The following SERPINA9 variants were observed in gnomAD, a reference collection of about 807,000 sequenced individuals.
SERPINA9 encodes serpin family A member 9.
SERPINA9 carries 32 observed loss-of-function variants against 24.5 expected under a neutral mutation model. The observed-to-expected ratio is 1.30, with a 90% CI of 0.98 to 1.75. SERPINA9 has a LOEUF of 1.75. Among genes scored for constraint, SERPINA9 ranks in the 40% most tolerant of loss-of-function variants. The pLI is 0.00. For synonymous variants in SERPINA9, 233 were observed against 197.7 expected, an observed-to-expected ratio of 1.18 and a Z score of -1.50; for missense variants, 594 against 497.1, an observed-to-expected ratio of 1.19 and a Z score of -1.85.
Position 94,469,798 on chromosome 14 carries a change from A to G in SERPINA9, c.43T>C (p.Cys15Arg), listed in dbSNP as rs1330400042. Residue 15 changes from cysteine to arginine, a missense_variant, in exon 2 of 5, where the codon TGT becomes CGT. Cys to Arg is a radical substitution (Grantham distance 180). Coordinates refer to ENST00000674397, the MANE Select transcript of SERPINA9 (RefSeq NM_175739.4). ...LYGVLFAVGL[C>R]APIYCVSPAN... The stretch of plus-strand genomic sequence containing the variant: ...GGGGACACACAGTAGATTGGAGCAC[A>G]GAGGCCAACAGCAAAGAGTACTCCA... 2 of 1,525,698 alleles carry G rather than the reference A, an allele frequency of 1.3e-6. No homozygotes were observed. The highest frequency in any genetic ancestry group is 1.8e-6 in the Non-Finnish European group (2 of 1,137,724). The allele number at this position is 1,525,698 out of a possible 1,614,324, so 94.5% of individuals were successfully genotyped here.
In SERPINA9 at chr14:94,463,394, CTA is replaced by C. The variant is rs778330235; in HGVS notation, c.1051-100_1051-99del. Reference sequence around the variant, plus strand: ...TGCTTTTGCCCTGGAATGGTGATGTCTACCTTGAAAGGATTCAAGGTTCAAAT... The same window carrying C: ...TGCTTTTGCCCTGGAATGGTGATGTCCCTTGAAAGGATTCAAGGTTCAAAT... On this transcript the variant is annotated intron_variant, in intron 4 of 4. Transcript: ENST00000674397. The C allele has an allele frequency of 1.2e-3, 1,230 of 1,053,838 alleles. 21 individuals are homozygous for C. Among genetic ancestry groups the C allele is most frequent in the Middle Eastern group, 1.2e-3 (4 of 3,282 alleles). The allele number at this position is 1,053,838 out of a possible 1,614,324, so 65.3% of individuals were successfully genotyped here.
Position 94,462,748 on chromosome 14 carries a change from T to C in SERPINA9, c.*345A>G. On this transcript the variant is annotated 3_prime_UTR_variant, in exon 5 of 5. Coordinates refer to ENST00000674397, the MANE Select transcript of SERPINA9 (RefSeq NM_175739.4). ...GACAGATGAATTCATATTTTAGTTT[T>C]ATTGAATGTGTTATTGTAATTCTGC... The C allele has an allele frequency of 3.8e-6, 1 of 260,742 alleles. No individual in the cohort carries two copies. Among genetic ancestry groups the C allele is most frequent in the Non-Finnish European group, 7.4e-6 (1 of 134,906 alleles). 16.2% of individuals were successfully genotyped at this position (260,742 alleles called of 1,614,324 possible).
chr14:94,464,355 G>A, intron 4 of SERPINA9: 1 of 336,664 alleles, frequency 3.0e-6, no homozygotes, highest in Non-Finnish European at 5.4e-6. Context: ...CATCTACAGG[G>A]TGCAGATGAC....
chr14:94,475,913 T>C, intron 1 of SERPINA9: 1 of 598,908 alleles, frequency 1.7e-6, no homozygotes, highest in Non-Finnish European at 2.9e-6. Flanking sequence ...TCATGGTCTC[T>C]GTGGCCTTAC....
At chr14:94,475,861 A>G (rs1899608625) in intron 1 of SERPINA9, 4 of 510,068 alleles carry the variant, frequency 7.8e-6, no homozygotes, top group Admixed American at 3.6e-5. Flanking sequence ...CCCTATTTCA[A>G]TACTCCTCCC....
chr14:94,466,264 C>A (rs1288802085), intron 3 of SERPINA9, among the ~76,000 whole-genome samples: 1 of 152,200 alleles, frequency 6.6e-6, no homozygotes, highest in African/African-American at 2.4e-5. Context: ...CCTCTGTGTG[C>A]TCATATGCTA....
chr14:94,475,225 TG>T (rs982288106), intron 1 of SERPINA9, among the ~76,000 whole-genome samples: 11 of 152,330 alleles, frequency 7.2e-5, no homozygotes, highest in African/African-American at 2.6e-4. Context: ...AGAGGGGTTC[TG>T]CAAGGCAGCC....
intron 3 of SERPINA9, among the ~76,000 whole-genome samples, chr14:94,466,591 A>G (rs766136735): frequency 2.2e-4 from 34 of 152,222 alleles, no homozygotes; most frequent in Non-Finnish European, 3.2e-4. Context: ...TGTACTCACC[A>G]TACTAATTAC....
intron 4 of SERPINA9, 70 bp from the exon 5 acceptor site, chr14:94,463,366 G>T: frequency 7.1e-7 from 1 of 1,403,942 alleles, no homozygotes; most frequent in Non-Finnish European, 1.0e-6. Flanking sequence ...AAACTAAACT[G>T]AGTGCTTTTG....
At chr14:94,468,470 T>C (rs1048549142) in intron 2 of SERPINA9, among the ~76,000 whole-genome samples, 4 of 152,202 alleles carry the variant, frequency 2.6e-5, no homozygotes, top group Non-Finnish European at 4.4e-5. Context: ...CAGGCACTTC[T>C]ATCTCAAGCA....
In SERPINA9 at chr14:94,469,707, T is replaced by C. The variant is rs899526373; in HGVS notation, c.134A>G (p.Tyr45Cys). The C allele has an allele frequency of 6.2e-7, 1 of 1,607,256 alleles. No homozygotes were observed. The highest frequency in any genetic ancestry group is 1.3e-5 in the African/African-American group (1 of 74,664). Reference protein sequence around the residue: ...STKSTPASQVYSLNTDFAFRL... With the variant: ...STKSTPASQVCSLNTDFAFRL... ...GAAGGCAAAGTCGGTGTTGAGGGAA[T>C]ACACCTGTGAGGCAGGGGTGCTCTT... The change falls in exon 2 of 5, where the codon TAT becomes TGT. Residue 45 changes from tyrosine to cysteine, a missense_variant. By Grantham distance (194) the Tyr-to-Cys change is radical. Transcript: ENST00000674397.
rs1401512477 is a variant in SERPINA9, at chr14:94,469,213, C to A, written c.628G>T (p.Ala210Ser). ...AAAAATCAACTTCTCAAATCCTTAC[C>A]TTTAAAGAAAATGTGGTTCACCAGA... ...MVLVNHIFFKAKWEKPFHPEY... is the reference protein window; with the variant it reads ...MVLVNHIFFKSKWEKPFHPEY... Residue 210 changes from alanine to serine, a missense_variant and splice_region_variant, in exon 2 of 5, where the codon GCC becomes TCC. By Grantham distance (99) the Ala-to-Ser change is moderately conservative. Coordinates refer to ENST00000674397, the MANE Select transcript of SERPINA9 (RefSeq NM_175739.4). 1.2e-6 allele frequency: 2 copies of A among 1,607,272 alleles called. No homozygotes were observed. The highest frequency in any genetic ancestry group is 1.7e-6 in the Non-Finnish European group (2 of 1,176,884).
Position 94,463,046 on chromosome 14 carries a change from T to A in SERPINA9, c.*47A>T. 1 of 1,468,964 alleles carries A rather than the reference T, an allele frequency of 6.8e-7. No homozygotes were observed. Among genetic ancestry groups the A allele is most frequent in the East Asian group, 2.3e-5 (1 of 44,222 alleles). 91.0% of individuals were successfully genotyped at this position (1,468,964 alleles called of 1,614,324 possible). A position where few individuals can be genotyped will look rare whatever the true frequency, so the allele number is the denominator to read the frequency against. The stretch of plus-strand genomic sequence containing the variant: ...CAGAAAGAGGGATGTGGTTTGTTAT[T>A]TCTTGTGCATTAGCAATGTGCCATC... On this transcript the variant is annotated 3_prime_UTR_variant, in exon 5 of 5. Coordinates refer to ENST00000674397, the MANE Select transcript of SERPINA9 (RefSeq NM_175739.4).
At chr14:94,474,747 C>T (rs1899500294) in intron 1 of SERPINA9, among the ~76,000 whole-genome samples, 1 of 152,070 alleles carries the variant, frequency 6.6e-6, no homozygotes, top group South Asian at 2.1e-4. Flanking sequence ...ACTCTGCCGT[C>T]CCCAGGGCTT....
chr14:94,471,917 ATC>A (rs1455855343), intron 1 of SERPINA9, among the ~76,000 whole-genome samples: 2 of 151,184 alleles, frequency 1.3e-5, no homozygotes, highest in Non-Finnish European at 2.9e-5. Flanking sequence ...AACCCTCCTT[ATC>A]TCTCCCCTGG....
In SERPINA9 at chr14:94,469,298, C is replaced by G; in HGVS notation, c.543G>C (p.Lys181Asn). The G allele has an allele frequency of 6.2e-7, 1 of 1,614,218 alleles. No individual in the cohort carries two copies. ...TGTCTACAACCTTCCCTTGGGTCTT[C>G]TTTTTCACATGGCTGTTGATCCTCG... ...AQARINSHVK[K>N]KTQGKVVDII... Residue 181 changes from lysine (K) to asparagine (N), a missense_variant, in exon 2 of 5, where the codon AAG (lysine) becomes AAC (asparagine). Lys to Asn is a moderately conservative substitution (Grantham distance 94). Coordinates refer to ENST00000674397, the MANE Select transcript of SERPINA9 (RefSeq NM_175739.4).
intron 1 of SERPINA9, among the ~76,000 whole-genome samples, chr14:94,475,489 T>C (rs533387658): frequency 6.6e-6 from 1 of 151,534 alleles, no homozygotes; most frequent in South Asian, 2.1e-4. Context: ...GCCTCCTATC[T>C]CACATAAAAG....
intron 1 of SERPINA9, among the ~76,000 whole-genome samples, chr14:94,473,724 G>A (rs945276589): frequency 2.0e-5 from 3 of 152,070 alleles, no homozygotes; most frequent in African/African-American, 7.2e-5. Flanking sequence ...GTTAACTTGG[G>A]GTCTGCAGGC....
intron 1 of SERPINA9, among the ~76,000 whole-genome samples, chr14:94,470,778 T>C (rs564606025): frequency 2.6e-4 from 39 of 152,336 alleles, no homozygotes; most frequent in Middle Eastern, 6.8e-3. Flanking sequence ...GAGAATTTGA[T>C]TGGAGCAACT....
Sources: allele counts gnomAD v4.1 joint callset (sites outside exome capture counted in the v4.1 genomes callset), GRCh38; gene constraint gnomAD v4.1.1; transcripts MANE v1.5; gene names NCBI Gene and HGNC (gene_info 2026-07-23, HGNC 2026-07-21).